WWP2: variants seen among roughly 807,000 people sequenced by gnomAD.
WWP2 encodes WW domain containing E3 ubiquitin protein ligase 2.
WWP2 carries 57 observed loss-of-function variants against 121.0 expected under a neutral mutation model. That is an observed-to-expected ratio of 0.47 (90% CI 0.38 to 0.59). The LOEUF (loss-of-function observed/expected upper bound fraction) is 0.59. Ranked by LOEUF, WWP2 falls within the 20% of genes least tolerant of loss-of-function variation. The pLI, the probability that WWP2 is intolerant of heterozygous loss-of-function variation, is 0.00. For synonymous variants in WWP2, 449 were observed against 441.3 expected (o/e 1.02, Z -0.22); for missense variants, 962 against 1,158.9 (o/e 0.83, Z 2.47).
chr16:69,796,005 A>C (rs964243222), intron 2 of WWP2, among the ~76,000 whole-genome samples: 7 of 151,688 alleles, frequency 4.6e-5, no homozygotes, highest in Admixed American at 2.0e-4. Context: ...GACCAGAACA[A>C]ATTTTTTTTT....
At position 69,893,826 on chromosome 16, in the gene WWP2, G is replaced by T. The variant is rs113206738; in HGVS notation, c.914+5577G>T. Among the ~76,000 whole-genome samples, 8 of 151,522 alleles carry T rather than the reference G, an allele frequency of 5.3e-5. 1 individual carries two copies. The highest frequency in any genetic ancestry group is 1.9e-4 in the African/African-American group (8 of 41,304). On this transcript the variant is annotated intron_variant, in intron 8 of 23. Transcript: ENST00000359154. ...CCCAAAATGCTGGGATTACAGGAGT[G>T]AGCCACTGCACCCAGCCCTCAGAAT...
At chr16:69,820,436 A>G (rs112804217) in intron 4 of WWP2, among the ~76,000 whole-genome samples, 11,740 of 101,356 alleles carry the variant, frequency 0.12, 1,080 homozygotes, top group South Asian at 0.18. Flanking sequence ...TAGAGATGGG[A>G]TTTCACCATG....
In WWP2 at chr16:69,825,153, A is replaced by G. The variant is rs184980778; in HGVS notation, c.341-14973A>G. Among the ~76,000 whole-genome samples the G allele has an allele frequency of 2.2e-3, 339 of 151,868 alleles. 2 individuals carry two copies. The highest frequency in any genetic ancestry group is 5.8e-3 in the South Asian group (28 of 4,796). ...AAAGTGGGCGATACTGGCTGGGTGC[A>G]GTGGCTCACACCTGTAATCCCAGCA... On this transcript the variant is annotated intron_variant, in intron 4 of 23. Coordinates refer to ENST00000359154, the MANE Select transcript of WWP2 (RefSeq NM_001270454.2).
At chr16:69,795,963 T>G (rs1289126562) in intron 2 of WWP2, among the ~76,000 whole-genome samples, 1 of 151,426 alleles carries the variant, frequency 6.6e-6, no homozygotes, top group Non-Finnish European at 1.5e-5. Flanking sequence ...ATAAGAGTAC[T>G]AAATGCCAGT....
chr16:69,801,216 A>G (rs2056158899), intron 4 of WWP2, among the ~76,000 whole-genome samples: 1 of 148,354 alleles, frequency 6.7e-6, no homozygotes, highest in Non-Finnish European at 1.5e-5. Flanking sequence ...ACTTTAATTA[A>G]TTAATTTTTA....
chr16:69,797,621 G>C (rs1430709287), intron 2 of WWP2, among the ~76,000 whole-genome samples: 2 of 152,078 alleles, frequency 1.3e-5, no homozygotes, highest in Admixed American at 6.6e-5. Context: ...AGGTGCGGTG[G>C]CTCACGCCTG....
At chr16:69,815,567 C>G (rs1212597935) in intron 4 of WWP2, among the ~76,000 whole-genome samples, 2 of 151,278 alleles carry the variant, frequency 1.3e-5, no homozygotes, top group East Asian at 3.9e-4. Flanking sequence ...GTGGGTGGAT[C>G]ACAAGGTCAG....
intron 6 of WWP2, among the ~76,000 whole-genome samples, chr16:69,854,275 A>G (rs963226821): frequency 6.6e-6 from 1 of 152,222 alleles, no homozygotes. Flanking sequence ...CCAGAACAGA[A>G]CTGGCTGCAA....
At chr16:69,931,354 C>T (rs561670528) in intron 14 of WWP2, 127 bp downstream of exon 14, 210 of 1,460,316 alleles carry the variant, frequency 1.4e-4, no homozygotes, top group African/African-American at 8.4e-4. Flanking sequence ...TTGTCTAACC[C>T]GGAGCTGGCT....
At chr16:69,858,331 G>A (rs1335869045) in intron 6 of WWP2, among the ~76,000 whole-genome samples, 1 of 152,028 alleles carries the variant, frequency 6.6e-6, no homozygotes, top group Non-Finnish European at 1.5e-5. Flanking sequence ...TCCCCAGCAG[G>A]ACCTAGAATA....
At chr16:69,821,133 T>A (rs2056585858) in intron 4 of WWP2, among the ~76,000 whole-genome samples, 1 of 152,196 alleles carries the variant, frequency 6.6e-6, no homozygotes, top group Non-Finnish European at 1.5e-5. Context: ...TTTCAGGCTG[T>A]CTTTAGCGGT....
intron 4 of WWP2, among the ~76,000 whole-genome samples, chr16:69,833,566 G>A (rs2056827580): frequency 6.6e-6 from 1 of 152,178 alleles, no homozygotes; most frequent in African/African-American, 2.4e-5. Flanking sequence ...CAGCCTTACT[G>A]CTGTCTGTCG....
At chr16:69,884,155 CAT>C (rs1434292838) in intron 7 of WWP2, among the ~76,000 whole-genome samples, 4 of 152,196 alleles carry the variant, frequency 2.6e-5, no homozygotes, top group Non-Finnish European at 5.9e-5. Flanking sequence ...AAAACACACA[CAT>C]GTGTATGCAC....
chr16:69,778,946 T>G (rs1235041699), intron 1 of WWP2, among the ~76,000 whole-genome samples: 5 of 128 alleles, frequency 0.039, no homozygotes, highest in South Asian at 0.17. Flanking sequence ...TGGCCGGTTA[T>G]TTATTTATTT....
rs1022851338 is a variant in WWP2 at position 69,867,055 on chromosome 16, C to T, written c.576-4749C>T. On this transcript the variant is annotated intron_variant, in intron 6 of 23. Coordinates refer to ENST00000359154, the MANE Select transcript of WWP2 (RefSeq NM_001270454.2). ...TTTGCCATGTTGGCCAGGCTGGTCT[C>T]GAACTCCTGACCTCAGGTGATCCAC... Among the ~76,000 whole-genome samples, 46 of 151,160 alleles carry T rather than the reference C, an allele frequency of 3.0e-4. 1 individual carries two copies. Among genetic ancestry groups the T allele is most frequent in the African/African-American group, 1.0e-3 (42 of 41,138 alleles).
At chr16:69,922,246 C>CT (rs1426404893) in intron 10 of WWP2, among the ~76,000 whole-genome samples, 1 of 151,204 alleles carries the variant, frequency 6.6e-6, no homozygotes, top group African/African-American at 2.4e-5. Flanking sequence ...CTGGTGCATC[C>CT]TTAAAAAAAA....
rs756837378 is a variant in WWP2, at chr16:69,931,883, A to G, written c.1675A>G (p.Ile559Val). 1 of 1,613,112 alleles carries G rather than the reference A, an allele frequency of 6.2e-7. No homozygotes were observed. Among genetic ancestry groups the G allele is most frequent in the Non-Finnish European group, 8.5e-7 (1 of 1,179,828 alleles). The change falls in exon 16 of 24, where the codon ATC becomes GTC. Residue 559 changes from isoleucine (I) to valine (V), a missense_variant. Coordinates refer to ENST00000359154, the MANE Select transcript of WWP2 (RefSeq NM_001270454.2). ...RGEEGLDYGG[I>V]AREWFFLLSH... The stretch of plus-strand genomic sequence containing the variant: ...CGAGGAGGGCCTGGACTATGGGGGC[A>G]TCGCCAGGTGAGCTTGAGTGCCCCG...
chr16:69,816,809 G>A (rs1228258233), intron 4 of WWP2, among the ~76,000 whole-genome samples: 1 of 151,796 alleles, frequency 6.6e-6, no homozygotes, highest in East Asian at 1.9e-4. Context: ...ATACACACAT[G>A]CACACACATA....
At chr16:69,806,308 G>C (rs1296459113) in intron 4 of WWP2, among the ~76,000 whole-genome samples, 1 of 152,160 alleles carries the variant, frequency 6.6e-6, no homozygotes, top group Non-Finnish European at 1.5e-5. Flanking sequence ...TGAAAATTTT[G>C]TTAGAATTGT....
Sources: gnomAD v4.1 joint callset for allele counts (sites outside exome capture counted in the v4.1 genomes callset) on GRCh38, gnomAD v4.1.1 for gene constraint, MANE v1.5 for transcripts, NCBI Gene and HGNC (gene_info 2026-07-23, HGNC 2026-07-21) for gene names.